The following MRPL42 variants were observed in gnomAD, a reference collection of about 807,000 sequenced individuals.
MRPL42 encodes mitochondrial ribosomal protein L42.
In MRPL42, 17 loss-of-function variants were observed where a neutral mutation model predicts 17.9. The ratio of observed to expected loss-of-function variants is 0.95; its 90% CI spans 0.65 to 1.42. MRPL42 has a LOEUF of 1.42. MRPL42 is among the 40% of genes most tolerant of loss of function. The pLI, the probability that MRPL42 is intolerant of heterozygous loss-of-function variation, is 0.00. For synonymous variants in MRPL42, 59 were observed against 54.4 expected (o/e 1.08, Z -0.37); for missense variants, 177 against 175.2 (o/e 1.01, Z -0.06).
chr12:93,475,370 C>A (rs958320340), intron 2 of MRPL42, among the ~76,000 whole-genome samples: 1 of 151,940 alleles, frequency 6.6e-6, no homozygotes, highest in Non-Finnish European at 1.5e-5. Flanking sequence ...CCTGCCCTGG[C>A]CTCCCAAAGT....
At chr12:93,480,839 A>C (rs1440393458) in intron 4 of MRPL42, among the ~76,000 whole-genome samples, 1 of 152,038 alleles carries the variant, frequency 6.6e-6, no homozygotes, top group East Asian at 1.9e-4. Flanking sequence ...CGCGCCCGAC[A>C]AATAATTTCT....
rs994219296 is a variant in MRPL42, at chr12:93,480,652, C to T, written c.219+1180C>T. Reference sequence around the variant, plus strand: ...TGCCTCCTGGGTTCAAGCGATTCTCCTGTCTCAGCCTCCCAAGTAGCTGGG... The same window carrying T: ...TGCCTCCTGGGTTCAAGCGATTCTCTTGTCTCAGCCTCCCAAGTAGCTGGG... On this transcript the variant is annotated intron_variant, in intron 4 of 5. Coordinates refer to ENST00000549982, the MANE Select transcript of MRPL42 (RefSeq NM_014050.4). Among the ~76,000 whole-genome samples the T allele has an allele frequency of 3.3e-5, 5 of 151,846 alleles. No individual in the cohort carries two copies. The South Asian group carries it at 6.3e-4, about 19-fold the overall frequency.
At chr12:93,494,155 T>A (rs967949798) in intron 5 of MRPL42, among the ~76,000 whole-genome samples, 2 of 151,402 alleles carry the variant, frequency 1.3e-5, no homozygotes, top group African/African-American at 4.9e-5. Context: ...GTTGTAGGCC[T>A]AGAGTGTTTC....
intron 4 of MRPL42, among the ~76,000 whole-genome samples, chr12:93,483,933 A>C (rs1015001462): frequency 6.6e-6 from 1 of 151,976 alleles, no homozygotes; most frequent in African/African-American, 2.4e-5. Flanking sequence ...GCACTTTTTA[A>C]ACTTTTTTTG....
chr12:93,490,440 G>A (rs1202317637), intron 5 of MRPL42, among the ~76,000 whole-genome samples: 2 of 152,156 alleles, frequency 1.3e-5, no homozygotes, highest in African/African-American at 4.8e-5. Context: ...CCAGAGACTA[G>A]TTTATGTGTA....
intron 5 of MRPL42, among the ~76,000 whole-genome samples, chr12:93,491,310 A>G (rs1186828836): frequency 3.3e-5 from 5 of 152,252 alleles, no homozygotes; most frequent in Non-Finnish European, 2.9e-5. Flanking sequence ...AGGTAGGACT[A>G]TTCATAGAGG....
chr12:93,496,858 C>G (rs1036678306), intron 5 of MRPL42, among the ~76,000 whole-genome samples: 10 of 151,874 alleles, frequency 6.6e-5, no homozygotes, highest in African/African-American at 2.4e-4. Flanking sequence ...TGTCCCCCAG[C>G]CTGGAGTGCA....
chr12:93,482,285 G>C (rs538507856), intron 4 of MRPL42, among the ~76,000 whole-genome samples: 1 of 152,162 alleles, frequency 6.6e-6, no homozygotes, highest in African/African-American at 2.4e-5. Flanking sequence ...ATTTAAAGTT[G>C]TACCTCTGCT....
chr12:93,477,795 T>G (rs1880254912), intron 3 of MRPL42, among the ~76,000 whole-genome samples: 1 of 152,130 alleles, frequency 6.6e-6, no homozygotes, highest in African/African-American at 2.4e-5. Flanking sequence ...CCTGAGTAGC[T>G]GAGACTACAG....
chr12:93,501,127 A>T (rs556130444), intron 5 of MRPL42, 49 bp from the exon 6 acceptor site: 1 of 1,401,392 alleles, frequency 7.1e-7, no homozygotes, highest in Admixed American at 2.5e-5. Context: ...TTTATCAGGA[A>T]TAATTTTTAT....
intron 2 of MRPL42, among the ~76,000 whole-genome samples, chr12:93,470,955 T>C (rs902186829): frequency 6.6e-6 from 1 of 152,236 alleles, no homozygotes; most frequent in African/African-American, 2.4e-5. Context: ...TGCTTGACCT[T>C]GACCTTTGTC....
Position 93,514,295 on chromosome 12 carries a change from C to CTTTTTTTTTTTTT in MRPL42, c.*13082_*13094dup, listed in dbSNP as rs55890236. The CTTTTTTTTTTTTT allele has an allele frequency of 1.7e-5, 2 of 120,852 alleles. No homozygotes were observed. The highest frequency in any genetic ancestry group is 3.3e-5 in the African/African-American group (1 of 30,402). The allele number at this position is 120,852 out of a possible 1,614,324, so 7.5% of individuals were successfully genotyped here. On this transcript the variant is annotated 3_prime_UTR_variant, in exon 6 of 6. Coordinates refer to ENST00000549982, the MANE Select transcript of MRPL42 (RefSeq NM_014050.4). ...CCCTCTGCTTTTTCTTTCTTTCTTT[C>CTTTTTTTTTTTTT]TTTTTTTTTTTTTTTTTTTTGAGAT...
At chr12:93,467,953 G>T (rs957668422) in intron 1 of MRPL42, among the ~76,000 whole-genome samples, 1 of 152,200 alleles carries the variant, frequency 6.6e-6, no homozygotes, top group African/African-American at 2.4e-5. Context: ...ACTCCCAGCA[G>T]GGCGTGCTTT....
chr12:93,473,654 C>T (rs564428231), intron 2 of MRPL42, among the ~76,000 whole-genome samples: 1 of 152,238 alleles, frequency 6.6e-6, no homozygotes, highest in African/African-American at 2.4e-5. Flanking sequence ...TGGTCTCGAT[C>T]TCCTGACCTC....
At chr12:93,484,979 C>CACACATATATATAT (rs1555201395) in intron 4 of MRPL42, among the ~76,000 whole-genome samples, 1 of 22,470 alleles carries the variant, frequency 4.5e-5, no homozygotes, top group Admixed American at 6.7e-4. Context: ...CACACACACA[C>CACACATATATATAT]ATATATATAT....
intron 2 of MRPL42, among the ~76,000 whole-genome samples, chr12:93,472,546 C>G (rs1443578641): frequency 6.6e-6 from 1 of 151,816 alleles, no homozygotes; most frequent in East Asian, 1.9e-4. Flanking sequence ...CCATTGTACT[C>G]CAGCCTGGGA....
At position 93,504,010 on chromosome 12, in the gene MRPL42, T is replaced by TG. The variant is rs1464664518; in HGVS notation, c.*2789_*2790insG. On this transcript the variant is annotated 3_prime_UTR_variant, in exon 6 of 6. Transcript: ENST00000549982. ...TTTTTAAATTTATTTCTTCTTTTTT[T>TG]TTTCTTATAATCTCATCAGAAGCTG... 3 of 153,392 alleles carry TG rather than the reference T, an allele frequency of 2.0e-5. No individual in the cohort carries two copies. The highest frequency in any genetic ancestry group is 4.4e-5 in the Non-Finnish European group (3 of 67,946). 9.5% of individuals were successfully genotyped at this position (153,392 alleles called of 1,614,324 possible). A position where few individuals can be genotyped will look rare whatever the true frequency, so the allele number is the denominator to read the frequency against.
rs1477887460 is a variant in MRPL42 at position 93,502,879 on chromosome 12, GA to G, written c.*1660del. 6 of 152,194 alleles carry G rather than the reference GA, an allele frequency of 3.9e-5. No individual in the cohort carries two copies. Among genetic ancestry groups the G allele is most frequent in the Non-Finnish European group, 5.9e-5 (4 of 68,046 alleles). The allele number at this position is 152,194 out of a possible 1,614,324, so 9.4% of individuals were successfully genotyped here. On this transcript the variant is annotated 3_prime_UTR_variant, in exon 6 of 6. Coordinates refer to ENST00000549982, the MANE Select transcript of MRPL42 (RefSeq NM_014050.4). ...CATACTTATGTGTCAGTGCTTTGGAGAATTAACTTTGACTTTATTCTACTGG... is the reference window on the plus strand; with the variant it reads ...CATACTTATGTGTCAGTGCTTTGGAGATTAACTTTGACTTTATTCTACTGG...
intron 1 of MRPL42, among the ~76,000 whole-genome samples, chr12:93,468,627 A>G (rs981370885): frequency 6.6e-6 from 1 of 152,242 alleles, no homozygotes; most frequent in Non-Finnish European, 1.5e-5. Context: ...GACTTTGTAC[A>G]CATATAAGAT....
Sources: allele counts gnomAD v4.1 joint callset (sites outside exome capture counted in the v4.1 genomes callset), GRCh38; gene constraint gnomAD v4.1.1; transcripts MANE v1.5; gene names NCBI Gene and HGNC (gene_info 2026-07-23, HGNC 2026-07-21).